The following CCDC13 variants were observed in gnomAD, a reference collection of about 807,000 sequenced individuals.
CCDC13 encodes coiled-coil domain containing 13, also known as coiled-coil domain-containing protein 13.
In CCDC13, 70 loss-of-function variants were observed where a neutral mutation model predicts 87.3. That is an observed-to-expected ratio of 0.80 (90% confidence interval 0.66 to 0.98). The LOEUF is 0.98. Among genes scored for constraint, CCDC13 ranks in the 50% least tolerant of loss-of-function variants. The pLI is 0.00. For synonymous variants in CCDC13, 317 were observed against 360.3 expected, an observed-to-expected ratio of 0.88 and a Z score of 1.36; for missense variants, 842 against 892.0, an observed-to-expected ratio of 0.94 and a Z score of 0.71.
chr3:42,763,186 T>C (rs985738027), intron 1 of CCDC13, among the ~76,000 whole-genome samples: 3 of 152,170 alleles, frequency 2.0e-5, no homozygotes, highest in Non-Finnish European at 4.4e-5. Flanking sequence ...TTGAATACAA[T>C]TTGAATAGCT....
chr3:42,749,935 C>T (rs1232176544), intron 5 of CCDC13: 1 of 456,536 alleles, frequency 2.2e-6, no homozygotes, highest in Non-Finnish European at 4.4e-6. Flanking sequence ...GAGTGTGGCT[C>T]GGGCTTGGGC....
intron 13 of CCDC13, 60 bp downstream of exon 13, chr3:42,730,407 T>C (rs1698795839): frequency 3.8e-6 from 6 of 1,584,748 alleles, no homozygotes; most frequent in Non-Finnish European, 5.2e-6. Flanking sequence ...AAATGAGGCC[T>C]GGCCCCAGTC....
chr3:42,751,996 G>A lies in CCDC13; in HGVS notation c.543C>T (p.Ala181=). The A allele has an allele frequency of 6.2e-7, 1 of 1,609,116 alleles. No homozygotes were observed. The highest frequency in any genetic ancestry group is 8.5e-7 in the Non-Finnish European group (1 of 1,179,992). ...TGGCTCCTGCGTCGGTGGCCCCCTT[G>A]GCTGACAGCCTGGTCAGGGCTGTCT... The part of the protein sequence containing the change: ...ELQTALTRLS[A]KGATDAGAKP... Residue 181 remains alanine, a synonymous_variant, in exon 5 of 16, where the codon GCC becomes GCT. Transcript: ENST00000310232.
intron 1 of CCDC13, among the ~76,000 whole-genome samples, chr3:42,772,116 AC>A (rs1700130809): frequency 6.6e-6 from 1 of 151,718 alleles, no homozygotes; most frequent in Non-Finnish European, 1.5e-5. Context: ...TACTAAAAAT[AC>A]CAAAATTAGC....
At chr3:42,716,476 T>A (rs1267634643) in intron 13 of CCDC13, among the ~76,000 whole-genome samples, 3 of 152,002 alleles carry the variant, frequency 2.0e-5, no homozygotes, top group Non-Finnish European at 2.9e-5. Context: ...CCAAAAAACA[T>A]AAAGAGCTAC....
intron 13 of CCDC13, among the ~76,000 whole-genome samples, chr3:42,725,533 CAAAA>C (rs56224625): frequency 3.3e-5 from 3 of 91,494 alleles, no homozygotes; most frequent in Non-Finnish European, 2.1e-5. Flanking sequence ...GACCCTGTCT[CAAAA>C]AAAAAAAAAA....
intron 3 of CCDC13, among the ~76,000 whole-genome samples, chr3:42,753,127 C>T (rs149015227): frequency 2.6e-5 from 4 of 152,142 alleles, no homozygotes; most frequent in African/African-American, 4.8e-5. Flanking sequence ...CTTGCTTTGG[C>T]CAATAGCATG....
At position 42,758,189 on chromosome 3, in the gene CCDC13, C is replaced by G. The variant is rs747424719; in HGVS notation, c.157G>C (p.Val53Leu). 1 of 1,614,104 alleles carries G rather than the reference C, an allele frequency of 6.2e-7. No individual in the cohort carries two copies. Among genetic ancestry groups the G allele is most frequent in the Non-Finnish European group, 8.5e-7 (1 of 1,180,018 alleles). ...RADDQEEPLE[V>L]SDGLSLLHAG... The stretch of plus-strand genomic sequence containing the variant: ...TGGAGAAGGCTGAGGCCATCTGAAA[C>G]CTCCAAGGGCTCCTCTTGGTCGTCA... Residue 53 changes from valine (V) to leucine (L), a missense_variant, in exon 2 of 16, where the codon GTT becomes CTT. Val to Leu is a conservative substitution (Grantham distance 32). Coordinates refer to ENST00000310232, the MANE Select transcript of CCDC13 (RefSeq NM_144719.4).
In CCDC13 at chr3:42,727,386, A is replaced by AAAATAAAT. The variant is rs924772865; in HGVS notation, c.1718+3073_1718+3080dup. 5.1e-4 allele frequency among the ~76,000 whole-genome samples: 77 copies of AAAATAAAT among 152,158 alleles called. No homozygotes were observed. The East Asian group carries it at 0.013, about 25-fold the overall frequency. On this transcript the variant is annotated intron_variant, in intron 13 of 15. Coordinates refer to ENST00000310232, the MANE Select transcript of CCDC13 (RefSeq NM_144719.4). Reference sequence around the variant, plus strand: ...GACTCGGTCTCAAAAAAAGAAAAGAAAAATAAATAAATAAATAAATAAAAT... The same window carrying AAAATAAAT: ...GACTCGGTCTCAAAAAAAGAAAAGAAAAATAAATAAATAAATAAATAAATAAATAAAAT...
chr3:42,750,867 A>G (rs1205025016), intron 5 of CCDC13, among the ~76,000 whole-genome samples: 2 of 152,198 alleles, frequency 1.3e-5, no homozygotes, highest in African/African-American at 2.4e-5. Context: ...CGGAATGTGG[A>G]GGTGCTCAAT....
chr3:42,747,809 A>C (rs1426624131), intron 5 of CCDC13, among the ~76,000 whole-genome samples: 1 of 152,092 alleles, frequency 6.6e-6, no homozygotes. Flanking sequence ...ATCCATCTTC[A>C]CTCAGAATAA....
chr3:42,710,428 T>C (rs1270662384), intron 14 of CCDC13, among the ~76,000 whole-genome samples: 1 of 151,920 alleles, frequency 6.6e-6, no homozygotes, highest in East Asian at 1.9e-4. Flanking sequence ...TGAGCCCGAG[T>C]CTAGACTGTC....
chr3:42,736,260 T>C (rs908911513), intron 9 of CCDC13, among the ~76,000 whole-genome samples: 3 of 152,210 alleles, frequency 2.0e-5, no homozygotes, highest in African/African-American at 7.2e-5. Context: ...GCTGGGAGAC[T>C]GCCCTTGGAG....
chr3:42,736,020 A>T (rs574527038), intron 9 of CCDC13, 107 bp from the exon 10 acceptor site: 26 of 1,025,862 alleles, frequency 2.5e-5, no homozygotes, highest in Non-Finnish European at 3.8e-5. Flanking sequence ...CAGGAACCTA[A>T]CAGTGGGATC....
chr3:42,713,674 C>T (rs1336701984), intron 13 of CCDC13, among the ~76,000 whole-genome samples: 2 of 152,108 alleles, frequency 1.3e-5, no homozygotes, highest in African/African-American at 4.8e-5. Context: ...TTTTGACTTC[C>T]TGTCATGCAA....
At chr3:42,711,394 G>A (rs997055979) in intron 14 of CCDC13, among the ~76,000 whole-genome samples, 4 of 152,190 alleles carry the variant, frequency 2.6e-5, no homozygotes, top group Non-Finnish European at 5.9e-5. Flanking sequence ...CCTGGCTTTC[G>A]CCCTCTGCTG....
intron 13 of CCDC13, among the ~76,000 whole-genome samples, chr3:42,715,927 C>G (rs978636118): frequency 2.0e-5 from 3 of 152,178 alleles, no homozygotes; most frequent in Admixed American, 2.0e-4. Flanking sequence ...GCCACCAGAG[C>G]TGTGAGAAAT....
In CCDC13 at chr3:42,708,979, C is replaced by T; in HGVS notation, c.*1G>A. ...GGCCAGGCCGACACTGGGCTGTCAT[C>T]CTATTGCTTGCCTGTCTTCTGCTGC... On this transcript the variant is annotated 3_prime_UTR_variant, in exon 16 of 16. Coordinates refer to ENST00000310232, the MANE Select transcript of CCDC13 (RefSeq NM_144719.4). 1 of 1,610,276 alleles carries T rather than the reference C, an allele frequency of 6.2e-7. No homozygotes were observed. The highest frequency in any genetic ancestry group is 8.5e-7 in the Non-Finnish European group (1 of 1,178,134).
intron 13 of CCDC13, among the ~76,000 whole-genome samples, chr3:42,729,387 T>C (rs935131041): frequency 6.6e-6 from 1 of 152,256 alleles, no homozygotes. Flanking sequence ...AAAGCAAAGC[T>C]GACCACTCAC....
Sources: gnomAD v4.1 joint callset for allele counts (sites outside exome capture counted in the v4.1 genomes callset) on GRCh38, gnomAD v4.1.1 for gene constraint, MANE v1.5 for transcripts, NCBI Gene and HGNC (gene_info 2026-07-23, HGNC 2026-07-21) for gene names.